The following MED12L variants were observed in gnomAD, a reference collection of about 807,000 sequenced individuals.
MED12L encodes mediator of RNA polymerase II transcription subunit 12-like protein.
In MED12L, 60 loss-of-function variants were observed where a neutral mutation model predicts 281.3. That is an observed-to-expected ratio of 0.21 (90% CI 0.17 to 0.26). The LOEUF is 0.26. Among genes scored for constraint, MED12L ranks in the 10% least tolerant of loss-of-function variants. The probability of loss-of-function intolerance (pLI) is 1.00; values close to 1 mark genes in which losing one functional copy is unlikely to be tolerated. For synonymous variants in MED12L, 974 were observed against 987.2 expected (o/e 0.99, Z 0.25); for missense variants, 2,146 against 2,680.9 (o/e 0.80, Z 4.41).
rs201952932 is a variant in MED12L, at chr3:151,413,873, A to AT, written c.6297+593dup. 6.3e-3 allele frequency among the ~76,000 whole-genome samples: 909 copies of AT among 143,874 alleles called. 4 individuals are homozygous for AT. Among genetic ancestry groups the AT allele is most frequent in the East Asian group, 0.019 (93 of 4,866 alleles). 94.4% of individuals were successfully genotyped at this position (143,874 alleles called of 152,430 possible). On this transcript the variant is annotated intron_variant, in intron 42 of 44. Transcript: ENST00000687756. The stretch of plus-strand genomic sequence containing the variant: ...GATAAAGGGTTCTTCCCCTTGATAC[A>AT]TTTTTTTTTTTTTTTCCCCTTAAGA...
At chr3:151,194,405 G>A (rs1264046707) in intron 16 of MED12L, among the ~76,000 whole-genome samples, 1 of 152,180 alleles carries the variant, frequency 6.6e-6, no homozygotes, top group Non-Finnish European at 1.5e-5. Context: ...TTGAGGCATA[G>A]GAAAGACAGG....
chr3:151,392,807 G>T (rs182218758), intron 38 of MED12L, among the ~76,000 whole-genome samples: 1 of 152,106 alleles, frequency 6.6e-6, no homozygotes, highest in East Asian at 1.9e-4. Flanking sequence ...TGTACAAAGG[G>T]CTTCAGCCAT....
chr3:151,409,484 G>A, intron 40 of MED12L, 152 bp downstream of exon 40: 1 of 696,998 alleles, frequency 1.4e-6, no homozygotes, highest in Non-Finnish European at 2.4e-6. Flanking sequence ...TTTCAAAAAA[G>A]CATGATCAGG....
rs1560085310 is a variant in MED12L at position 151,138,980 on chromosome 3, T to TACCTAC, written c.556+10996_556+10997insACCTAC. On this transcript the variant is annotated intron_variant, in intron 5 of 44. Transcript: ENST00000687756. ...TTCTGCATGGGTGATTTGTCTCTTA[T>TACCTAC]CTACCTACCTACCTACCTACCTGCC... is the stretch of plus-strand genomic sequence containing the variant. Among the ~76,000 whole-genome samples, 49 of 143,000 alleles carry TACCTAC rather than the reference T, an allele frequency of 3.4e-4. No individual in the cohort carries two copies. In the East Asian group the frequency reaches 4.8e-3, roughly 14 times the overall value. The allele number at this position is 143,000 out of a possible 152,430, so 93.8% of individuals were successfully genotyped here. A position where few individuals can be genotyped will look rare whatever the true frequency, so the allele number is the denominator to read the frequency against.
intron 13 of MED12L, 121 bp from the exon 14 acceptor site, chr3:151,190,596 T>C (rs1193284247): frequency 1.1e-6 from 1 of 896,256 alleles, no homozygotes; most frequent in Non-Finnish European, 1.7e-6. Flanking sequence ...AATCTTCCAA[T>C]AGATCTTTTT....
chr3:151,270,878 G>A (rs1740816376), intron 16 of MED12L, among the ~76,000 whole-genome samples: 1 of 152,116 alleles, frequency 6.6e-6, no homozygotes, highest in African/African-American at 2.4e-5. Context: ...CACATTCTCT[G>A]TTGTACTTTT....
intron 5 of MED12L, among the ~76,000 whole-genome samples, chr3:151,136,056 T>C (rs1716095866): frequency 6.6e-6 from 1 of 152,216 alleles, no homozygotes; most frequent in African/African-American, 2.4e-5. Context: ...ATTTCCTCTG[T>C]GCCACCTGAG....
chr3:151,243,816 A>G (rs1335806669), intron 16 of MED12L, among the ~76,000 whole-genome samples: 1 of 151,332 alleles, frequency 6.6e-6, no homozygotes, highest in Non-Finnish European at 1.5e-5. Flanking sequence ...AACGACACAG[A>G]CTGGCAAATT....
At chr3:151,094,488 C>T (rs756760726) in intron 2 of MED12L, among the ~76,000 whole-genome samples, 4 of 152,166 alleles carry the variant, frequency 2.6e-5, no homozygotes, top group Admixed American at 6.5e-5. Context: ...TTACCTCCTA[C>T]GTATTCCTCC....
intron 16 of MED12L, among the ~76,000 whole-genome samples, chr3:151,309,131 A>G (rs1560011240): frequency 7.4e-6 from 1 of 135,958 alleles, no homozygotes; most frequent in African/African-American, 3.0e-5. Flanking sequence ...ACACACACAC[A>G]CACACACACG....
chr3:151,140,370 A>G (rs1716746430), intron 5 of MED12L, among the ~76,000 whole-genome samples: 1 of 152,184 alleles, frequency 6.6e-6, no homozygotes, highest in Non-Finnish European at 1.5e-5. Flanking sequence ...TTCTCTTGCA[A>G]AACTGAAACT....
At chr3:151,213,393 C>T in intron 16 of MED12L, 3 of 1,613,988 alleles carry the variant, frequency 1.9e-6, no homozygotes, top group Non-Finnish European at 2.5e-6. Flanking sequence ...TGTGCAATTT[C>T]TTACATAAGA....
At chr3:151,134,870 A>T (rs1025614353) in intron 5 of MED12L, among the ~76,000 whole-genome samples, 1 of 152,144 alleles carries the variant, frequency 6.6e-6, no homozygotes, top group Non-Finnish European at 1.5e-5. Flanking sequence ...AGGTGCTGAA[A>T]GCCTGTGTGA....
At chr3:151,195,036 G>A (rs1285081524) in intron 16 of MED12L, among the ~76,000 whole-genome samples, 3 of 152,196 alleles carry the variant, frequency 2.0e-5, no homozygotes, top group African/African-American at 7.2e-5. Context: ...GGTGGCGGGC[G>A]CCTGTAGTCG....
At chr3:151,141,574 G>A (rs1717037286) in intron 5 of MED12L, among the ~76,000 whole-genome samples, 1 of 152,100 alleles carries the variant, frequency 6.6e-6, no homozygotes, top group Non-Finnish European at 1.5e-5. Context: ...AGGAAATAAT[G>A]GATCGACTGG....
At chr3:151,415,422 C>T (rs970528598) in intron 42 of MED12L, among the ~76,000 whole-genome samples, 1 of 152,198 alleles carries the variant, frequency 6.6e-6, no homozygotes, top group African/African-American at 2.4e-5. Flanking sequence ...GTCCAACTTG[C>T]GTTGTTCTTG....
rs144707964 is a variant in MED12L at position 151,121,982 on chromosome 3, G to A, written c.205-801G>A. ...GCCTGCCTTGGCTTCCCAAAGTGCCGTGATTACAGGCGTGAGCCACCATAC... is the reference window on the plus strand; with the variant it reads ...GCCTGCCTTGGCTTCCCAAAGTGCCATGATTACAGGCGTGAGCCACCATAC... On this transcript the variant is annotated intron_variant, in intron 3 of 44. Transcript: ENST00000687756. Among the ~76,000 whole-genome samples the A allele has an allele frequency of 1.5e-3, 226 of 152,196 alleles. 1 individual carries two copies. The highest frequency in any genetic ancestry group is 5.0e-3 in the African/African-American group (206 of 41,540).
Position 151,378,071 on chromosome 3 carries a change from C to G in MED12L, c.4376C>G (p.Ser1459Cys). The change falls in exon 31 of 45, where the codon TCT becomes TGT. Residue 1459 changes from serine (S) to cysteine (C), a missense_variant. Transcript: ENST00000687756. ...CCCCTCATCGCCAGGTTGCCAACTTCTGTGCAAGGAAGAGTGCTGAAAGCC... is the reference window on the plus strand; with the variant it reads ...CCCCTCATCGCCAGGTTGCCAACTTGTGTGCAAGGAAGAGTGCTGAAAGCC... ...VAPLIARLPTSVQGRVLKAAG... is the reference protein window; with the variant it reads ...VAPLIARLPTCVQGRVLKAAG... 1 of 1,610,520 alleles carries G rather than the reference C, an allele frequency of 6.2e-7. No homozygotes were observed. The highest frequency in any genetic ancestry group is 8.5e-7 in the Non-Finnish European group (1 of 1,177,940).
chr3:151,108,426 T>C (rs1711496447), intron 2 of MED12L, among the ~76,000 whole-genome samples: 1 of 152,200 alleles, frequency 6.6e-6, no homozygotes, highest in Non-Finnish European at 1.5e-5. Context: ...AACAATTACA[T>C]GTATCTGTGA....
Sources: gnomAD v4.1 joint callset for allele counts (sites outside exome capture counted in the v4.1 genomes callset) on GRCh38, gnomAD v4.1.1 for gene constraint, MANE v1.5 for transcripts, NCBI Gene and HGNC (gene_info 2026-07-23, HGNC 2026-07-21) for gene names.